The following RYR2 variants were observed in gnomAD, a reference collection of about 807,000 sequenced individuals.
RYR2 encodes the protein cardiac muscle ryanodine receptor-calcium release channel.
A neutral mutation model predicts 601.1 loss-of-function variants in RYR2; 227 were observed. The ratio of observed to expected loss-of-function variants is 0.38; its 90% CI spans 0.34 to 0.42. The LOEUF is 0.42. Ranked by LOEUF, RYR2 falls within the 10% of genes least tolerant of loss-of-function variation. The probability of loss-of-function intolerance (pLI) is 1.00; values close to 1 mark genes in which losing one functional copy is unlikely to be tolerated. For missense variants in RYR2, 4,646 were observed against 6,156.5 expected (o/e 0.75, Z 8.21); for synonymous variants, 2,223 against 2,175.1 (o/e 1.02, Z -0.61).
chr1:237,335,284 A>G (rs1205829851), intron 3 of RYR2, among the ~76,000 whole-genome samples: 1 of 152,206 alleles, frequency 6.6e-6, no homozygotes, highest in African/African-American at 2.4e-5. Flanking sequence ...CTTTTATCTT[A>G]ATTCACAAAA....
intron 46 of RYR2, among the ~76,000 whole-genome samples, chr1:237,639,522 A>G (rs1681234069): frequency 6.6e-6 from 1 of 152,176 alleles, no homozygotes; most frequent in South Asian, 2.1e-4. Flanking sequence ...CTTTGGGGTT[A>G]GACTGGAGTT....
intron 21 of RYR2, 118 bp from the exon 22 acceptor site, chr1:237,503,171 A>G: frequency 1.2e-6 from 1 of 838,504 alleles, no homozygotes; most frequent in South Asian, 1.7e-5. Context: ...TACGTAGGGG[A>G]AAATGTGGCT....
At chr1:237,534,610 A>G (rs540650111) in intron 25 of RYR2, among the ~76,000 whole-genome samples, 1 of 152,112 alleles carries the variant, frequency 6.6e-6, no homozygotes, top group South Asian at 2.1e-4. Flanking sequence ...ACACTTAGAC[A>G]TTTAAAAATA....
At chr1:237,547,276 G>A (rs1669930592) in intron 25 of RYR2, among the ~76,000 whole-genome samples, 2 of 152,026 alleles carry the variant, frequency 1.3e-5, no homozygotes, top group Admixed American at 1.3e-4. Context: ...AAAGTGCTGG[G>A]ATTACAGGTG....
chr1:237,812,115 TATC>T (rs1661317255), intron 100 of RYR2, among the ~76,000 whole-genome samples: 1 of 152,170 alleles, frequency 6.6e-6, no homozygotes, highest in Admixed American at 6.5e-5. Context: ...TTGGCACTGC[TATC>T]ATTCCCATTT....
chr1:237,136,335 T>C, intron 1 of RYR2, among the ~76,000 whole-genome samples: 1 of 152,128 alleles, frequency 6.6e-6, no homozygotes, highest in East Asian at 1.9e-4. Flanking sequence ...TAACCCTGGG[T>C]TATTCTTACT....
At chr1:237,426,177 C>A (rs1311417739) in intron 12 of RYR2, among the ~76,000 whole-genome samples, 1 of 152,116 alleles carries the variant, frequency 6.6e-6, no homozygotes, top group Non-Finnish European at 1.5e-5. Context: ...TCTTTCAACT[C>A]CTGTTCTGGG....
intron 10 of RYR2, among the ~76,000 whole-genome samples, chr1:237,400,217 T>G (rs996661602): frequency 1.3e-4 from 20 of 152,216 alleles, no homozygotes; most frequent in African/African-American, 4.1e-4. Flanking sequence ...CAACTGCACA[T>G]GACCAGAGTG....
chr1:237,230,173 A>G (rs1684827156), intron 1 of RYR2, among the ~76,000 whole-genome samples: 1 of 152,228 alleles, frequency 6.6e-6, no homozygotes, highest in Non-Finnish European at 1.5e-5. Context: ...AAAACAACCA[A>G]CTAACAAAAG....
At chr1:237,176,358 A>T (rs1426893916) in intron 1 of RYR2, among the ~76,000 whole-genome samples, 21 of 150,500 alleles carry the variant, frequency 1.4e-4, no homozygotes, top group Non-Finnish European at 3.0e-4. Flanking sequence ...TTCATGTTGT[A>T]GAATTTTCTC....
chr1:237,680,367 C>G, intron 61 of RYR2, 89 bp from the exon 62 acceptor site: 2 of 1,096,188 alleles, frequency 1.8e-6, no homozygotes, highest in South Asian at 1.5e-5. Context: ...TGCATGTGAA[C>G]AGAACTCTGA....
At chr1:237,043,957 G>A (rs1481772904) in intron 1 of RYR2, among the ~76,000 whole-genome samples, 1 of 152,150 alleles carries the variant, frequency 6.6e-6, no homozygotes, top group Non-Finnish European at 1.5e-5. Flanking sequence ...TGCATTAAAC[G>A]GACTGGGAGA....
At chr1:237,724,928 A>G (rs1302230019) in intron 74 of RYR2, among the ~76,000 whole-genome samples, 1 of 152,144 alleles carries the variant, frequency 6.6e-6, no homozygotes, top group Admixed American at 6.5e-5. Context: ...ATCATGATGA[A>G]TGATGGCATT....
Position 237,589,954 on chromosome 1 carries a change from A to G in RYR2, c.3760A>G (p.Arg1254Gly), listed in dbSNP as rs748217122. Residue 1254 changes from arginine (R) to glycine (G), a missense_variant, in exon 30 of 105, where the codon AGG becomes GGG. Arg to Gly is a moderately radical substitution (Grantham distance 125). Coordinates refer to ENST00000366574, the MANE Select transcript of RYR2 (RefSeq NM_001035.3). Reference protein sequence around the residue: ...NRDITMWLSKRLPQFLQVPSN... With the variant: ...NRDITMWLSKGLPQFLQVPSN... ...GGATATTACCATGTGGCTGAGCAAG[A>G]GGCTTCCTCAGTTTCTTCAAGTTCC... 12 of 1,613,932 alleles carry G rather than the reference A, an allele frequency of 7.4e-6. No individual in the cohort carries two copies. Among genetic ancestry groups the G allele is most frequent in the Non-Finnish European group, 1.0e-5 (12 of 1,179,872 alleles).
At chr1:237,414,488 A>T (rs1704760736) in intron 10 of RYR2, among the ~76,000 whole-genome samples, 1 of 152,198 alleles carries the variant, frequency 6.6e-6, no homozygotes, top group Non-Finnish European at 1.5e-5. Flanking sequence ...AATTATTTTA[A>T]TTAGCACATA....
At chr1:237,385,590 T>A (rs12131332) in intron 8 of RYR2, among the ~76,000 whole-genome samples, 46,117 of 152,194 alleles carry the variant, frequency 0.3, 8,342 homozygotes, top group Middle Eastern at 0.45. Context: ...TACATGAGCT[T>A]TCACTTGGAC....
chr1:237,561,801 T>C (rs966524462), intron 27 of RYR2, among the ~76,000 whole-genome samples: 1 of 152,000 alleles, frequency 6.6e-6, no homozygotes, highest in African/African-American at 2.4e-5. Flanking sequence ...ACGGCAACAG[T>C]GGGAAGGGAC....
At chr1:237,092,443 A>C (rs1334046156) in intron 1 of RYR2, among the ~76,000 whole-genome samples, 1 of 152,076 alleles carries the variant, frequency 6.6e-6, no homozygotes, top group Non-Finnish European at 1.5e-5. Context: ...GTCCCATTTG[A>C]AACCATGTTA....
At chr1:237,410,918 A>G (rs1406522420) in intron 10 of RYR2, among the ~76,000 whole-genome samples, 1 of 152,212 alleles carries the variant, frequency 6.6e-6, no homozygotes, top group East Asian at 1.9e-4. Flanking sequence ...TGAATTTTTT[A>G]TAGTGTCATT....
Sources: gnomAD v4.1 joint callset for allele counts (sites outside exome capture counted in the v4.1 genomes callset) on GRCh38, gnomAD v4.1.1 for gene constraint, MANE v1.5 for transcripts, NCBI Gene and HGNC (gene_info 2026-07-23, HGNC 2026-07-21) for gene names.